TIAM2: variants seen among roughly 807,000 people sequenced by gnomAD.
TIAM2 encodes the protein rho guanine nucleotide exchange factor TIAM2.
Under a neutral mutation model 152.9 loss-of-function variants are expected in TIAM2, and 80 were observed. The ratio of observed to expected loss-of-function variants is 0.52; its 90% CI spans 0.44 to 0.63. TIAM2 has a LOEUF of 0.63. Among genes scored for constraint, TIAM2 ranks in the 30% least tolerant of loss-of-function variants. The pLI, the probability that TIAM2 is intolerant of heterozygous loss-of-function variation, is 0.00. For missense variants in TIAM2, 1,965 were observed against 2,120.1 expected, an observed-to-expected ratio of 0.93 and a Z score of 1.44; for synonymous variants, 804 against 838.0, an observed-to-expected ratio of 0.96 and a Z score of 0.70.
intron 2 of TIAM2, among the ~76,000 whole-genome samples, chr6:155,097,774 C>T (rs999635910): frequency 3.9e-5 from 6 of 151,978 alleles, no homozygotes; most frequent in Admixed American, 2.0e-4. Flanking sequence ...TTCTTCTGGC[C>T]GTTTCATATT....
intron 15 of TIAM2, among the ~76,000 whole-genome samples, chr6:155,238,281 CTTA>C (rs953698434): frequency 1.6e-4 from 24 of 152,328 alleles, no homozygotes; most frequent in African/African-American, 5.1e-4. Flanking sequence ...CAGCCTGGAC[CTTA>C]TTATTCATTT....
intron 19 of TIAM2, among the ~76,000 whole-genome samples, chr6:155,245,956 A>T (rs1783302930): frequency 6.6e-6 from 1 of 152,270 alleles, no homozygotes; most frequent in South Asian, 2.1e-4. Flanking sequence ...TTGCTTTGCC[A>T]TGTGTCACTT....
chr6:155,129,626 G>A lies in TIAM2; in HGVS notation c.403G>A (p.Gly135Arg), dbSNP rs766313549. ...CCACATCACCTCCAGAGACTGCAAC[G>A]GACACCTTCTCAACTGCTACGGGAG... ...DNHITSRDCN[G>R]HLLNCYGRNE... The change falls in exon 4 of 27, where the codon GGA (glycine) becomes AGA (arginine). Residue 135 changes from glycine to arginine, a missense_variant. Gly to Arg is a moderately radical substitution (Grantham distance 125). Around this residue, in one of 3 missense-constraint regions of TIAM2, gnomAD observed 1,025 missense variants for 1,119.4 expected, o/e 0.92. Transcript: ENST00000682666. This position sits in a 1 kb window ranked among gnomAD's most constrained non-coding sequence, Gnocchi z 4.8. The A allele has an allele frequency of 1.2e-6, 2 of 1,613,966 alleles. No homozygotes were observed. The highest frequency in any genetic ancestry group is 1.7e-6 in the Non-Finnish European group (2 of 1,180,046).
At chr6:155,199,378 T>C (rs1171893198) in intron 14 of TIAM2, among the ~76,000 whole-genome samples, 1 of 152,182 alleles carries the variant, frequency 6.6e-6, no homozygotes, top group Non-Finnish European at 1.5e-5. Flanking sequence ...GTGCCCAGCC[T>C]GAGAACAGTA....
intron 14 of TIAM2, among the ~76,000 whole-genome samples, chr6:155,185,217 C>T (rs1481996548): frequency 6.8e-6 from 1 of 147,458 alleles, no homozygotes; most frequent in African/African-American, 2.5e-5. Context: ...ACCTCCACCT[C>T]CCGGTTTCTA....
intron 4 of TIAM2, among the ~76,000 whole-genome samples, chr6:155,136,649 G>A (rs906237865): frequency 2.8e-4 from 43 of 152,152 alleles, no homozygotes; most frequent in African/African-American, 9.9e-4. Context: ...TGGGCACTTG[G>A]CCAGAAGCTG....
At chr6:155,130,972 AT>A (rs1779432576) in intron 4 of TIAM2, among the ~76,000 whole-genome samples, 1 of 152,154 alleles carries the variant, frequency 6.6e-6, no homozygotes, top group Non-Finnish European at 1.5e-5. Context: ...CTCAACATGG[AT>A]TTTGGGGAGG....
At chr6:155,178,850 C>T (rs552705501) in intron 10 of TIAM2, among the ~76,000 whole-genome samples, 189 bp from the exon 11 acceptor site, 4 of 152,288 alleles carry the variant, frequency 2.6e-5, no homozygotes, top group East Asian at 1.9e-4. Flanking sequence ...GCTGGGATTA[C>T]AGGTGTGAGC....
chr6:155,189,494 GCTTT>G (rs1299821427), intron 14 of TIAM2, among the ~76,000 whole-genome samples: 2 of 152,090 alleles, frequency 1.3e-5, no homozygotes, highest in Non-Finnish European at 2.9e-5. Flanking sequence ...TGAGCGTGTG[GCTTT>G]CTTTTAGTGG....
intron 1 of TIAM2, among the ~76,000 whole-genome samples, chr6:155,075,017 C>T (rs1037192852): frequency 2.6e-5 from 4 of 151,826 alleles, no homozygotes; most frequent in Non-Finnish European, 4.4e-5. Flanking sequence ...TGGATAAGGA[C>T]GGTGGGTGCA....
chr6:155,115,019 G>A (rs1226920811), intron 2 of TIAM2, among the ~76,000 whole-genome samples: 1 of 151,836 alleles, frequency 6.6e-6, no homozygotes, highest in African/African-American at 2.4e-5. Context: ...GTAGAGATGG[G>A]GTTTCACCAT....
intron 24 of TIAM2, chr6:155,253,747 G>T (rs1583293349): frequency 2.1e-6 from 1 of 483,056 alleles, no homozygotes; most frequent in Non-Finnish European, 3.6e-6. Flanking sequence ...GGTGAAGGCA[G>T]TTCAGATGGA....
chr6:155,005,244 C>A, intron 1 of TIAM2: 1 of 226,946 alleles, frequency 4.4e-6, no homozygotes. Flanking sequence ...TGAGGAATTC[C>A]GTCTGGAAGC....
intron 2 of TIAM2, among the ~76,000 whole-genome samples, chr6:155,113,810 G>C (rs1487069371): frequency 1.3e-5 from 2 of 151,558 alleles, no homozygotes; most frequent in African/African-American, 4.9e-5. Flanking sequence ...TTTGGATGGG[G>C]GTCTGTTTTG....
At chr6:155,120,851 A>G (rs6557402) in intron 2 of TIAM2, among the ~76,000 whole-genome samples, 1 of 152,016 alleles carries the variant, frequency 6.6e-6, no homozygotes, top group Admixed American at 6.5e-5. Flanking sequence ...AGACATGCCA[A>G]ATGTCCCTTG....
chr6:155,095,101 C>T (rs1306853894), intron 2 of TIAM2, among the ~76,000 whole-genome samples: 5 of 152,114 alleles, frequency 3.3e-5, no homozygotes, highest in Non-Finnish European at 5.9e-5. Flanking sequence ...GTGTAATTTG[C>T]ACACGTCTGT....
chr6:155,094,734 T>G (rs6925519), intron 2 of TIAM2, among the ~76,000 whole-genome samples: 53,548 of 128,628 alleles, frequency 0.42, 9,796 homozygotes, highest in African/African-American at 0.48. Flanking sequence ...GTTTTTTTTT[T>G]TTTGTTTTTT....
intron 1 of TIAM2, among the ~76,000 whole-genome samples, chr6:155,082,910 G>C (rs535817257): frequency 6.6e-6 from 1 of 152,184 alleles, no homozygotes; most frequent in African/African-American, 2.4e-5. Context: ...CAGAGTCCCT[G>C]CTACTTTTTA....
At chr6:155,210,208 ATTAT>A (rs2115210918) in intron 14 of TIAM2, among the ~76,000 whole-genome samples, 1 of 152,156 alleles carries the variant, frequency 6.6e-6, no homozygotes, top group East Asian at 1.9e-4. Flanking sequence ...CTTATTTCAT[ATTAT>A]TTAAATTTTT....
Sources: allele counts gnomAD v4.1 joint callset (sites outside exome capture counted in the v4.1 genomes callset), GRCh38; gene constraint gnomAD v4.1.1; regional missense constraint gnomAD v4.1.1; non-coding constraint Gnocchi (gnomAD v3.1); transcripts MANE v1.5; gene names NCBI Gene and HGNC (gene_info 2026-07-23, HGNC 2026-07-21).